GTF2A1L: variants seen among roughly 807,000 people sequenced by gnomAD.
GTF2A1L encodes the protein general transcription factor IIA subunit 1 like.
Under a neutral mutation model 49.7 loss-of-function variants are expected in GTF2A1L, and 48 were observed. That is an observed-to-expected ratio of 0.97 (90% CI 0.77 to 1.23). The LOEUF is 1.23. GTF2A1L is among the 50% of genes most tolerant of loss of function. The pLI, the probability that GTF2A1L is intolerant of heterozygous loss-of-function variation, is 0.00. For missense variants in GTF2A1L, 736 were observed against 564.8 expected (o/e 1.30, Z -3.07); for synonymous variants, 246 against 193.5 (o/e 1.27, Z -2.25).
chr2:48,646,901 C>T lies in GTF2A1L; in HGVS notation c.837C>T (p.Leu279=), dbSNP rs1282715217. The T allele has an allele frequency of 6.2e-7, 1 of 1,614,204 alleles. No homozygotes were observed. Among genetic ancestry groups the T allele is most frequent in the Non-Finnish European group, 8.5e-7 (1 of 1,180,032 alleles). The change falls in exon 6 of 9, where the codon CTC becomes CTT. Residue 279 remains leucine (L), a synonymous_variant. Transcript: ENST00000403751. Reference sequence around the variant, plus strand: ...CTCAAAATCTGCATGATGAGTCCCTCTCCACAAGCCCTCATGGGGCTCTCC... The same window carrying T: ...CTCAAAATCTGCATGATGAGTCCCTTTCCACAAGCCCTCATGGGGCTCTCC... ...SMAQNLHDES[L]STSPHGALHQ...
rs1558734630 is a variant in GTF2A1L, at chr2:48,646,633, T to C, written c.569T>C (p.Ile190Thr). ...LQATTEKSQR[I>T]ETVLQQPAIL... ...GCAACTACTGAAAAATCACAGAGAA[T>C]TGAAACCGTGCTACAGCAACCCGCA... Residue 190 changes from isoleucine (I) to threonine (T), a missense_variant, in exon 6 of 9, where the codon ATT becomes ACT. By Grantham distance (89) the Ile-to-Thr change is moderately conservative. Coordinates refer to ENST00000403751, the MANE Select transcript of GTF2A1L (RefSeq NM_006872.5). 2 of 1,614,052 alleles carry C rather than the reference T, an allele frequency of 1.2e-6. No individual in the cohort carries two copies. Among genetic ancestry groups the C allele is most frequent in the African/African-American group, 1.3e-5 (1 of 74,978 alleles).
At chr2:48,638,144 C>G (rs984041951) in intron 3 of GTF2A1L, among the ~76,000 whole-genome samples, 2 of 152,138 alleles carry the variant, frequency 1.3e-5, no homozygotes, top group Non-Finnish European at 2.9e-5. Context: ...TGAGTTCTAC[C>G]TGATGTACGA....
chr2:48,618,080 C>G (rs552395163), intron 1 of GTF2A1L, 185 bp downstream of exon 1: 6 of 604,946 alleles, frequency 9.9e-6, no homozygotes, highest in East Asian at 3.0e-5. Context: ...GCCAGTAGTT[C>G]AGCAGGAAGT....
chr2:48,665,578 T>A (rs184976344), intron 6 of GTF2A1L, among the ~76,000 whole-genome samples: 2 of 152,180 alleles, frequency 1.3e-5, no homozygotes, highest in African/African-American at 4.8e-5. Flanking sequence ...TCTTTGACCA[T>A]TGGGTATTTA....
At chr2:48,624,257 G>T (rs1178127202) in intron 3 of GTF2A1L, among the ~76,000 whole-genome samples, 1 of 143,640 alleles carries the variant, frequency 7.0e-6, no homozygotes. Flanking sequence ...AAAAAATATT[G>T]GTTTATTTAA....
chr2:48,632,953 TG>T, intron 3 of GTF2A1L: 1 of 224,168 alleles, frequency 4.5e-6, no homozygotes, highest in South Asian at 7.2e-5. Context: ...ATGTTTTTAC[TG>T]GTAAAAAACT....
At chr2:48,676,733 A>G (rs778105563) in intron 8 of GTF2A1L, among the ~76,000 whole-genome samples, 1 of 151,622 alleles carries the variant, frequency 6.6e-6, no homozygotes, top group Non-Finnish European at 1.5e-5. Flanking sequence ...ATTTTGAGCC[A>G]TGAATAAAAA....
chr2:48,639,995 A>T (rs1677114037), intron 3 of GTF2A1L, among the ~76,000 whole-genome samples: 1 of 152,190 alleles, frequency 6.6e-6, no homozygotes, highest in Admixed American at 6.5e-5. Flanking sequence ...AAACACAAGG[A>T]GATACCATCT....
chr2:48,671,837 G>A (rs533841993), intron 8 of GTF2A1L, among the ~76,000 whole-genome samples, 157 bp downstream of exon 8: 3 of 152,278 alleles, frequency 2.0e-5, no homozygotes, highest in South Asian at 2.1e-4. Flanking sequence ...TGGGTCTAGC[G>A]CTGTGCTATG....
intron 3 of GTF2A1L, among the ~76,000 whole-genome samples, chr2:48,637,566 C>G (rs1398554848): frequency 1.3e-5 from 2 of 151,940 alleles, no homozygotes; most frequent in African/African-American, 4.8e-5. Flanking sequence ...TTGAAAGAAT[C>G]AGAGAAGCAA....
chr2:48,645,163 A>AT, intron 5 of GTF2A1L, 46 bp downstream of exon 5: 1 of 1,545,110 alleles, frequency 6.5e-7, no homozygotes, highest in South Asian at 1.2e-5. Context: ...CATTGGTACT[A>AT]TTTTTTGGAC....
At chr2:48,659,476 T>C in intron 6 of GTF2A1L, among the ~76,000 whole-genome samples, 1 of 152,270 alleles carries the variant, frequency 6.6e-6, no homozygotes, top group Middle Eastern at 3.4e-3. Flanking sequence ...GAGATTTGAA[T>C]TTTTGGATAG....
intron 8 of GTF2A1L, 133 bp downstream of exon 8, chr2:48,671,813 C>A: frequency 1.2e-6 from 1 of 853,192 alleles, no homozygotes; most frequent in Non-Finnish European, 1.8e-6. Flanking sequence ...TCTGGAAATT[C>A]TGAGTGTGTA....
chr2:48,639,853 A>C (rs1677106576), intron 3 of GTF2A1L, among the ~76,000 whole-genome samples: 1 of 152,204 alleles, frequency 6.6e-6, no homozygotes, highest in Non-Finnish European at 1.5e-5. Context: ...TTTACAAGAG[A>C]AGAACAAACA....
At chr2:48,624,882 C>G (rs2104078960) in intron 3 of GTF2A1L, among the ~76,000 whole-genome samples, 1 of 143,744 alleles carries the variant, frequency 7.0e-6, no homozygotes, top group African/African-American at 2.5e-5. Flanking sequence ...CAGACTCTCC[C>G]TCTTTTAAAA....
intron 4 of GTF2A1L, among the ~76,000 whole-genome samples, chr2:48,643,363 A>G (rs1027336448): frequency 6.6e-6 from 1 of 152,128 alleles, no homozygotes; most frequent in African/African-American, 2.4e-5. Flanking sequence ...TAATCTACTA[A>G]CTGTTTTTTA....
intron 3 of GTF2A1L, among the ~76,000 whole-genome samples, chr2:48,622,291 G>A (rs1050601953): frequency 4.6e-5 from 7 of 152,142 alleles, no homozygotes; most frequent in South Asian, 2.1e-4. Flanking sequence ...AAGTTTTATC[G>A]AATACTGTGT....
At chr2:48,652,712 T>C (rs2104230926) in intron 6 of GTF2A1L, among the ~76,000 whole-genome samples, 1 of 151,376 alleles carries the variant, frequency 6.6e-6, no homozygotes, top group South Asian at 2.1e-4. Context: ...TATTTATTTT[T>C]GAGATGGAGT....
chr2:48,645,110 TGTATCTG>T lies in GTF2A1L; in HGVS notation c.384_388+2del. On this transcript the variant is annotated frameshift_variant and splice_region_variant, in exon 5 of 9. Transcript: ENST00000403751. LOFTEE classifies it high-confidence loss of function. ...TACCAGCAGGTGTGACACTACAGAC[TGTATCTG>T]GTGAGAGTATATTCTAAGAATCTTT... The T allele has an allele frequency of 1.6e-5, 26 of 1,605,528 alleles. No individual in the cohort carries two copies. Among genetic ancestry groups the T allele is most frequent in the Non-Finnish European group, 2.2e-5 (26 of 1,177,454 alleles).
Sources: gnomAD v4.1 joint callset for allele counts (sites outside exome capture counted in the v4.1 genomes callset) on GRCh38, gnomAD v4.1.1 for gene constraint, MANE v1.5 for transcripts, NCBI Gene and HGNC (gene_info 2026-07-23, HGNC 2026-07-21) for gene names.